SAMSN1: variants seen among roughly 807,000 people sequenced by gnomAD.
SAMSN1 encodes the protein SAM domain-containing protein SAMSN-1.
A neutral mutation model predicts 42.0 loss-of-function variants in SAMSN1; 31 were observed. The observed-to-expected ratio is 0.74, with a 90% confidence interval of 0.55 to 1.00. The LOEUF (loss-of-function observed/expected upper bound fraction) is 1.00, where lower values mean the gene tolerates loss of function less well. SAMSN1 is among the 50% of genes least tolerant of loss of function. The pLI, the probability that SAMSN1 is intolerant of heterozygous loss-of-function variation, is 0.00. For missense variants in SAMSN1, 464 were observed against 439.4 expected, an observed-to-expected ratio of 1.06 and a Z score of -0.50; for synonymous variants, 178 against 151.9, an observed-to-expected ratio of 1.17 and a Z score of -1.26.
chr21:14,653,296 T>C (rs1983864124), intron 1 of SAMSN1, among the ~76,000 whole-genome samples: 1 of 151,976 alleles, frequency 6.6e-6, no homozygotes, highest in Non-Finnish European at 1.5e-5. Flanking sequence ...ATATACACAA[T>C]GGAGTATGGT....
At chr21:14,617,789 T>C (rs1982879583) in intron 2 of SAMSN1, among the ~76,000 whole-genome samples, 1 of 152,266 alleles carries the variant, frequency 6.6e-6, no homozygotes, top group African/African-American at 2.4e-5. Context: ...AGGATTCCTC[T>C]GCCTTTGCTA....
intron 5 of SAMSN1, among the ~76,000 whole-genome samples, 166 bp downstream of exon 5, chr21:14,510,144 G>GAA (rs112521674): frequency 0.019 from 2,545 of 131,106 alleles, 67 homozygotes; most frequent in African/African-American, 0.06. Flanking sequence ...CTCAAAAAAA[G>GAA]AAAAAAAAAA....
intron 2 of SAMSN1, among the ~76,000 whole-genome samples, chr21:14,620,332 C>G (rs565035519): frequency 1.3e-5 from 2 of 152,030 alleles, no homozygotes; most frequent in Admixed American, 6.6e-5. Flanking sequence ...TGAGTTCTTA[C>G]GAGATGTGAT....
rs186979380 is a variant in SAMSN1 at position 14,654,838 on chromosome 21, C to T, written c.24+3910G>A. ...TGCCTCACTAGTAGATAAAGCAAGG[C>T]GAAGAAGCCAGGAAAGAAAGAAAGA... On this transcript the variant is annotated intron_variant, in intron 1 of 15. Transcript: ENST00000647101. Among the ~76,000 whole-genome samples the T allele has an allele frequency of 8.4e-4, 125 of 148,580 alleles. 1 individual carries two copies. The highest frequency in any genetic ancestry group is 3.0e-3 in the African/African-American group (121 of 40,278).
intron 1 of SAMSN1, among the ~76,000 whole-genome samples, chr21:14,522,666 C>T (rs568962136): frequency 0.037 from 5,612 of 152,216 alleles, 147 homozygotes; most frequent in Non-Finnish European, 0.057. Flanking sequence ...CTTTTCATCA[C>T]AAAAACATCA....
At chr21:14,644,908 A>G (rs958698633) in intron 1 of SAMSN1, among the ~76,000 whole-genome samples, 19 of 152,272 alleles carry the variant, frequency 1.2e-4, no homozygotes, top group African/African-American at 3.8e-4. Context: ...CTAGGGTGGT[A>G]TGGCTACAGA....
chr21:14,570,923 T>C (rs1437510025), intron 2 of SAMSN1, among the ~76,000 whole-genome samples: 1 of 152,194 alleles, frequency 6.6e-6, no homozygotes, highest in Non-Finnish European at 1.5e-5. Context: ...TGTAAGACCA[T>C]ATGTGGTCTG....
chr21:14,612,834 C>A (rs924027169), intron 4 of SAMSN1: 1 of 689,100 alleles, frequency 1.5e-6, no homozygotes, highest in Admixed American at 2.3e-5. Context: ...TGTGGGGAGA[C>A]AGAATACATC....
chr21:14,638,367 G>T (rs1284634283), intron 2 of SAMSN1, among the ~76,000 whole-genome samples: 2 of 151,740 alleles, frequency 1.3e-5, no homozygotes, highest in African/African-American at 4.8e-5. Flanking sequence ...TACACTTATT[G>T]TCCATCTGCA....
chr21:14,577,280 A>ATTT (rs1568816249), intron 2 of SAMSN1, among the ~76,000 whole-genome samples: 3 of 48,416 alleles, frequency 6.2e-5, no homozygotes, highest in African/African-American at 4.0e-4. Flanking sequence ...ATATATATAT[A>ATTT]TATATTTTTT....
chr21:14,638,766 C>T (rs1015361614), intron 2 of SAMSN1, among the ~76,000 whole-genome samples: 9 of 152,116 alleles, frequency 5.9e-5, no homozygotes, highest in African/African-American at 2.2e-4. Flanking sequence ...CATTATTCAC[C>T]TTGTTCTACA....
intron 2 of SAMSN1, among the ~76,000 whole-genome samples, chr21:14,574,335 T>C (rs1981393907): frequency 6.6e-6 from 1 of 152,182 alleles, no homozygotes; most frequent in Non-Finnish European, 1.5e-5. Flanking sequence ...CTAATCTAAA[T>C]TACAAATGTT....
intron 2 of SAMSN1, among the ~76,000 whole-genome samples, chr21:14,561,502 C>G (rs768584318): frequency 2.0e-5 from 3 of 152,088 alleles, no homozygotes; most frequent in Non-Finnish European, 2.9e-5. Context: ...TTCCCTACAT[C>G]AAATGTGTAT....
intron 2 of SAMSN1, among the ~76,000 whole-genome samples, chr21:14,561,645 A>C (rs1403781973): frequency 6.6e-6 from 1 of 152,178 alleles, no homozygotes; most frequent in Non-Finnish European, 1.5e-5. Flanking sequence ...CCTGACCCCC[A>C]GCACCTCAGA....
chr21:14,611,578 G>A (rs1275682402), intron 4 of SAMSN1, among the ~76,000 whole-genome samples: 1 of 152,228 alleles, frequency 6.6e-6, no homozygotes, highest in Non-Finnish European at 1.5e-5. Flanking sequence ...TGTGCATGCA[G>A]AATAGACTGA....
chr21:14,526,254 G>T (rs180874471), intron 1 of SAMSN1, among the ~76,000 whole-genome samples: 2 of 152,288 alleles, frequency 1.3e-5, no homozygotes, highest in African/African-American at 2.4e-5. Flanking sequence ...TACAGAAAGG[G>T]AACAAAATAA....
At chr21:14,595,513 G>T (rs1477574683) in intron 6 of SAMSN1, among the ~76,000 whole-genome samples, 9 of 152,274 alleles carry the variant, frequency 5.9e-5, no homozygotes, top group Admixed American at 1.3e-4. Flanking sequence ...ATTCTGAGGA[G>T]AGTCTGCAAT....
intron 4 of SAMSN1, among the ~76,000 whole-genome samples, chr21:14,611,768 A>G (rs1982714785): frequency 6.6e-6 from 1 of 152,220 alleles, no homozygotes; most frequent in Non-Finnish European, 1.5e-5. Context: ...AAACGCAGAT[A>G]TCCTTCAAAG....
At chr21:14,611,145 G>C (rs1389333376) in intron 4 of SAMSN1, among the ~76,000 whole-genome samples, 2 of 151,190 alleles carry the variant, frequency 1.3e-5, no homozygotes, top group African/African-American at 4.9e-5. Context: ...TATGCATCCT[G>C]AAAAGGTTAA....
Sources: allele counts gnomAD v4.1 joint callset (sites outside exome capture counted in the v4.1 genomes callset), GRCh38; gene constraint gnomAD v4.1.1; transcripts MANE v1.5; gene names NCBI Gene and HGNC (gene_info 2026-07-23, HGNC 2026-07-21).